Variants in TDRD7 observed in about 807,000 individuals in gnomAD.
TDRD7 encodes tudor domain-containing protein 7.
Under a neutral mutation model 109.8 loss-of-function variants are expected in TDRD7, and 47 were observed. The ratio of observed to expected loss-of-function variants is 0.43; its 90% CI spans 0.34 to 0.55. TDRD7 has a LOEUF of 0.55. Ranked by LOEUF, TDRD7 falls within the 20% of genes least tolerant of loss-of-function variation. The probability of loss-of-function intolerance (pLI) is 0.03; values close to 1 mark genes in which losing one functional copy is unlikely to be tolerated. For synonymous variants in TDRD7, 424 were observed against 457.3 expected (o/e 0.93, Z 0.93); for missense variants, 1,164 against 1,319.2 (o/e 0.88, Z 1.82).
chr9:97,437,887 T>G (rs1828232909), intron 4 of TDRD7, among the ~76,000 whole-genome samples: 1 of 152,204 alleles, frequency 6.6e-6, no homozygotes, highest in African/African-American at 2.4e-5. Context: ...GTCATCTTAT[T>G]TTATTATGTC....
intron 16 of TDRD7, among the ~76,000 whole-genome samples, chr9:97,490,550 G>GGA (rs149608769): frequency 1.9e-5 from 1 of 54,036 alleles, no homozygotes; most frequent in Non-Finnish European, 5.6e-5. Flanking sequence ...ATATTTTGGT[G>GGA]GGGGGGGGGG....
In TDRD7 at chr9:97,473,502, T is replaced by G. The variant is rs773234039; in HGVS notation, c.1955T>G (p.Met652Arg). 4.3e-6 allele frequency: 7 copies of G among 1,613,540 alleles called. No homozygotes were observed. Among genetic ancestry groups the G allele is most frequent in the African/African-American group, 1.3e-5 (1 of 74,892 alleles). Residue 652 changes from methionine to arginine, a missense_variant, in exon 11 of 17, where the codon ATG (methionine) becomes AGG (arginine). Physicochemically the swap from Met to Arg is moderately conservative, Grantham distance 91 (BLOSUM62 -1). Coordinates refer to ENST00000355295, the MANE Select transcript of TDRD7 (RefSeq NM_014290.3). ...SLEVHLQVDA[M>R]YTNVKVTNIC... is the part of the protein sequence containing the mutation. ...CTTTGTCTGTTATAGGTTGACGCCA[T>G]GTACACAAATGTCAAAGTAACTAAT...
At position 97,473,578 on chromosome 9, in the gene TDRD7, C is replaced by A. The variant is rs750316315; in HGVS notation, c.2031C>A (p.Asn677Lys). Reference sequence around the variant, plus strand: ...GCCAGGTGCCTTGTAAGGGTCTGAACAAGCTCAGTGACCTTCTACGTAAGA... The same window carrying A: ...GCCAGGTGCCTTGTAAGGGTCTGAAAAAGCTCAGTGACCTTCTACGTAAGA... The part of the protein sequence containing the change: ...LYCQVPCKGL[N>K]KLSDLLRKIE... The change falls in exon 11 of 17, where the codon AAC becomes AAA. Residue 677 changes from asparagine (N) to lysine (K), a missense_variant. By Grantham distance (94) the Asn-to-Lys change is moderately conservative (BLOSUM62 0). This residue lies in a region of TDRD7 where 261 missense variants were observed against 336.2 expected (regional missense o/e 0.78). Transcript: ENST00000355295. 5 of 1,613,864 alleles carry A rather than the reference C, an allele frequency of 3.1e-6. No homozygotes were observed. Among genetic ancestry groups the A allele is most frequent in the Non-Finnish European group, 4.2e-6 (5 of 1,179,812 alleles).
chr9:97,436,089 C>G (rs1300744339), intron 4 of TDRD7, among the ~76,000 whole-genome samples: 2 of 152,036 alleles, frequency 1.3e-5, no homozygotes, highest in Non-Finnish European at 2.9e-5. Flanking sequence ...TTGAAAAGTT[C>G]TAGAAAAATG....
intron 16 of TDRD7, 110 bp from the exon 17 acceptor site, chr9:97,495,552 TG>T: frequency 9.5e-7 from 1 of 1,047,666 alleles, no homozygotes; most frequent in Non-Finnish European, 1.5e-6. Context: ...AAGTCTAACC[TG>T]GGATGCTTAA....
chr9:97,413,408 C>A (rs1827756708), intron 1 of TDRD7, among the ~76,000 whole-genome samples: 3 of 151,652 alleles, frequency 2.0e-5, no homozygotes, highest in Admixed American at 2.0e-4. Flanking sequence ...AATAGAGGTA[C>A]CTGGCTTACT....
At chr9:97,442,398 T>A (rs925212042) in intron 6 of TDRD7, among the ~76,000 whole-genome samples, 1 of 152,170 alleles carries the variant, frequency 6.6e-6, no homozygotes, top group Non-Finnish European at 1.5e-5. Flanking sequence ...GAGAGAAAAT[T>A]GGAAATTAGA....
chr9:97,463,116 T>C (rs539724004), intron 7 of TDRD7, among the ~76,000 whole-genome samples: 73 of 152,290 alleles, frequency 4.8e-4, no homozygotes, highest in African/African-American at 1.7e-3. Context: ...CAAAGCTCAA[T>C]ACATTTAAAT....
At chr9:97,476,564 GAA>G (rs11370965) in intron 12 of TDRD7, among the ~76,000 whole-genome samples, 2 of 123,402 alleles carry the variant, frequency 1.6e-5, no homozygotes, top group South Asian at 5.4e-4. Context: ...AAACCAAAAA[GAA>G]AAAAAAAAAA....
At chr9:97,451,669 G>C (rs1276472698) in intron 6 of TDRD7, among the ~76,000 whole-genome samples, 1 of 152,182 alleles carries the variant, frequency 6.6e-6, no homozygotes, top group Admixed American at 6.5e-5. Flanking sequence ...CTAAAGAGAG[G>C]GTCTTGGGAA....
rs1229976529 is a variant in TDRD7 at position 97,493,739 on chromosome 9, G to A, written c.3077-1924G>A. Among the ~76,000 whole-genome samples, 14 of 152,100 alleles carry A rather than the reference G, an allele frequency of 9.2e-5. 1 individual carries two copies. Among genetic ancestry groups the A allele is most frequent in the African/African-American group, 2.4e-5 (1 of 41,406 alleles). On this transcript the variant is annotated intron_variant, in intron 16 of 16. Transcript: ENST00000355295. Reference sequence around the variant, plus strand: ...CATAAAAGACGGCCGCACCCGAAGCGGCCATTTCAGAGGCCTACCCTCAGG... The same window carrying A: ...CATAAAAGACGGCCGCACCCGAAGCAGCCATTTCAGAGGCCTACCCTCAGG...
intron 14 of TDRD7, among the ~76,000 whole-genome samples, chr9:97,481,585 T>C (rs918509688): frequency 6.6e-6 from 1 of 152,238 alleles, no homozygotes; most frequent in African/African-American, 2.4e-5. Flanking sequence ...AATATCTTCA[T>C]GAAGACCTCT....
At chr9:97,470,038 C>T (rs943473964) in intron 8 of TDRD7, among the ~76,000 whole-genome samples, 4 of 152,094 alleles carry the variant, frequency 2.6e-5, no homozygotes, top group African/African-American at 9.7e-5. Context: ...GCATCTCGGT[C>T]CCTGGAAGCA....
intron 6 of TDRD7, among the ~76,000 whole-genome samples, chr9:97,446,769 T>G (rs1475787660): frequency 6.6e-6 from 1 of 152,174 alleles, no homozygotes; most frequent in South Asian, 2.1e-4. Context: ...TTGTATGAGA[T>G]AATAAAGCAC....
chr9:97,482,812 C>T, intron 14 of TDRD7, 37 bp from the exon 15 acceptor site: 1 of 1,608,796 alleles, frequency 6.2e-7, no homozygotes, highest in Non-Finnish European at 8.5e-7. Context: ...TTAATGTGAA[C>T]TTGTATTTCT....
At chr9:97,467,296 T>C (rs1167151326) in intron 8 of TDRD7, among the ~76,000 whole-genome samples, 1 of 152,224 alleles carries the variant, frequency 6.6e-6, no homozygotes, top group Non-Finnish European at 1.5e-5. Flanking sequence ...AATGCAGCTA[T>C]TCCACAAGGA....
chr9:97,487,804 A>G (rs1375974970), intron 16 of TDRD7, among the ~76,000 whole-genome samples: 3 of 152,194 alleles, frequency 2.0e-5, no homozygotes, highest in Non-Finnish European at 2.9e-5. Context: ...CCAAAAAACA[A>G]TGGAAACAAC....
intron 15 of TDRD7, among the ~76,000 whole-genome samples, chr9:97,486,847 C>G (rs1001985121): frequency 1.3e-5 from 2 of 152,154 alleles, no homozygotes; most frequent in Non-Finnish European, 2.9e-5. Context: ...CTGGCTTTGT[C>G]CTGGTCATCC....
chr9:97,439,864 A>C (rs912055109), intron 5 of TDRD7, among the ~76,000 whole-genome samples: 13 of 152,222 alleles, frequency 8.5e-5, no homozygotes, highest in Non-Finnish European at 1.5e-4. Context: ...AAGTCAAAGA[A>C]TCTGAAGGTT....
Sources: allele counts gnomAD v4.1 joint callset (sites outside exome capture counted in the v4.1 genomes callset), GRCh38; gene constraint gnomAD v4.1.1; regional missense constraint gnomAD v4.1.1; transcripts MANE v1.5; gene names NCBI Gene and HGNC (gene_info 2026-07-23, HGNC 2026-07-21).